Variants in MGLL observed in about 807,000 individuals in gnomAD.
The protein encoded by MGLL is monoglyceride lipase.
Under a neutral mutation model 29.1 loss-of-function variants are expected in MGLL, and 7 were observed. That is an observed-to-expected ratio of 0.24 (90% CI 0.14 to 0.45). The LOEUF is 0.45. Ranked by LOEUF, MGLL falls within the 20% of genes least tolerant of loss-of-function variation. MGLL has a pLI of 0.99. For missense variants in MGLL, 356 were observed against 413.6 expected, an observed-to-expected ratio of 0.86 and a Z score of 1.21; for synonymous variants, 148 against 168.3, an observed-to-expected ratio of 0.88 and a Z score of 0.93.
At chr3:127,787,086 T>G (rs1281584589) in intron 2 of MGLL, among the ~76,000 whole-genome samples, 1 of 152,230 alleles carries the variant, frequency 6.6e-6, no homozygotes. Context: ...TCGAGGCTTC[T>G]GCCTTCATGA....
At chr3:127,735,279 A>C (rs371125300) in intron 3 of MGLL, among the ~76,000 whole-genome samples, 167 of 152,340 alleles carry the variant, frequency 1.1e-3, no homozygotes, top group African/African-American at 3.9e-3. Flanking sequence ...CTTACTTTAC[A>C]ACTCAGCAAT....
intron 2 of MGLL, among the ~76,000 whole-genome samples, chr3:127,803,516 T>C (rs1055454314): frequency 2.4e-4 from 37 of 152,140 alleles, no homozygotes; most frequent in African/African-American, 8.7e-4. Context: ...GCATGTTCCA[T>C]AGGAGGGGAA....
chr3:127,797,321 C>CA (rs150990767), intron 2 of MGLL, among the ~76,000 whole-genome samples: 1,933 of 146,180 alleles, frequency 0.013, 53 homozygotes, highest in East Asian at 0.12. Flanking sequence ...TTTTTGCAGG[C>CA]AAAAAAAAAA....
intron 2 of MGLL, among the ~76,000 whole-genome samples, chr3:127,815,125 G>A (rs553122950): frequency 3.0e-4 from 46 of 152,244 alleles, no homozygotes; most frequent in Non-Finnish European, 6.0e-4. Flanking sequence ...AGAGTCACTC[G>A]TGATTCATAT....
chr3:127,792,492 A>G (rs1481648528), intron 2 of MGLL, among the ~76,000 whole-genome samples: 1 of 152,188 alleles, frequency 6.6e-6, no homozygotes, highest in Non-Finnish European at 1.5e-5. Flanking sequence ...TCATGAGGTC[A>G]AGAAATCGAG....
At chr3:127,792,843 A>G (rs949644246) in intron 2 of MGLL, among the ~76,000 whole-genome samples, 6 of 152,212 alleles carry the variant, frequency 3.9e-5, no homozygotes, top group Admixed American at 1.3e-4. Flanking sequence ...GAGAACATGC[A>G]AAGCTATGCG....
chr3:127,793,909 C>T (rs1021220395), intron 2 of MGLL, among the ~76,000 whole-genome samples: 2 of 152,174 alleles, frequency 1.3e-5, no homozygotes, highest in African/African-American at 4.8e-5. Flanking sequence ...TTCTAAATAT[C>T]TTGAAGTAAG....
chr3:127,785,519 G>C (rs541319230), intron 2 of MGLL, among the ~76,000 whole-genome samples: 1 of 152,252 alleles, frequency 6.6e-6, no homozygotes, highest in Non-Finnish European at 1.5e-5. Flanking sequence ...GAGAAACCCA[G>C]ATGTGGAGGA....
intron 2 of MGLL, among the ~76,000 whole-genome samples, chr3:127,799,728 C>G (rs943628743): frequency 3.9e-5 from 6 of 152,170 alleles, no homozygotes; most frequent in Non-Finnish European, 8.8e-5. Flanking sequence ...AAGCAGCTCA[C>G]TACAGTAGTA....
At chr3:127,694,918 C>G in intron 7 of MGLL, 57 bp downstream of exon 7, 2 of 1,563,004 alleles carry the variant, frequency 1.3e-6, no homozygotes, top group South Asian at 2.2e-5. Context: ...CCAAGGGGTG[C>G]TGCCTTCCTG....
intron 6 of MGLL, among the ~76,000 whole-genome samples, chr3:127,705,731 G>A (rs1445141895): frequency 2.0e-5 from 3 of 149,662 alleles, no homozygotes; most frequent in African/African-American, 4.9e-5. Context: ...AGCCAAGATC[G>A]CGCCACTGCA....
intron 3 of MGLL, among the ~76,000 whole-genome samples, chr3:127,778,170 GCCAGTGTTT>G (rs1437639905): frequency 6.6e-6 from 1 of 152,250 alleles, no homozygotes; most frequent in Admixed American, 6.5e-5. Flanking sequence ...ATTTACAGAA[GCCAGTGTTT>G]CCATAAATCG....
intron 3 of MGLL, among the ~76,000 whole-genome samples, chr3:127,751,294 C>T (rs1046191509): frequency 1.3e-5 from 2 of 152,110 alleles, no homozygotes; most frequent in African/African-American, 4.8e-5. Context: ...CAGCTCCTCC[C>T]AGCAAGGCTG....
intron 6 of MGLL, among the ~76,000 whole-genome samples, chr3:127,698,351 AG>A (rs1487439063): frequency 6.6e-6 from 1 of 152,188 alleles, no homozygotes; most frequent in Non-Finnish European, 1.5e-5. Flanking sequence ...TGACAGCTTA[AG>A]ATCTCAATCC....
At chr3:127,732,026 G>T (rs2076161472) in intron 3 of MGLL, among the ~76,000 whole-genome samples, 1 of 152,132 alleles carries the variant, frequency 6.6e-6, no homozygotes, top group Non-Finnish European at 1.5e-5. Context: ...TTGTTACCAT[G>T]TACAAAATGA....
At chr3:127,721,415 C>T (rs1412673618) in intron 4 of MGLL, among the ~76,000 whole-genome samples, 1 of 151,664 alleles carries the variant, frequency 6.6e-6, no homozygotes, top group East Asian at 1.9e-4. Flanking sequence ...TGCTTGTGGG[C>T]CGCAAGTTAA....
At chr3:127,700,942 C>T (rs1030188410) in intron 6 of MGLL, among the ~76,000 whole-genome samples, 5 of 151,966 alleles carry the variant, frequency 3.3e-5, no homozygotes, top group African/African-American at 9.7e-5. Context: ...AGCCTGGGCA[C>T]GGTGGTGCAT....
At chr3:127,763,203 G>C (rs1407141541) in intron 3 of MGLL, among the ~76,000 whole-genome samples, 3 of 145,836 alleles carry the variant, frequency 2.1e-5, no homozygotes, top group Non-Finnish European at 4.5e-5. Flanking sequence ...GAGTGTGCAG[G>C]CTGCCCCAGC....
At chr3:127,814,613 A>G (rs1167145826) in intron 2 of MGLL, among the ~76,000 whole-genome samples, 1 of 152,102 alleles carries the variant, frequency 6.6e-6, no homozygotes. Context: ...TTATTCTGCT[A>G]TTTTTTTTCT....
Sources: allele counts gnomAD v4.1 joint callset (sites outside exome capture counted in the v4.1 genomes callset), GRCh38; gene constraint gnomAD v4.1.1; transcripts MANE v1.5; gene names NCBI Gene and HGNC (gene_info 2026-07-23, HGNC 2026-07-21).